NPEPPS: variants seen among roughly 807,000 people sequenced by gnomAD.
NPEPPS encodes aminopeptidase puromycin sensitive.
NPEPPS carries 14 observed loss-of-function variants against 115.5 expected under a neutral mutation model. That is an observed-to-expected ratio of 0.12 (90% CI 0.08 to 0.19). NPEPPS has a LOEUF of 0.19. Among genes scored for constraint, NPEPPS ranks in the 10% least tolerant of loss-of-function variants. The pLI, the probability that NPEPPS is intolerant of heterozygous loss-of-function variation, is 1.00. For missense variants in NPEPPS, 523 were observed against 1,110.8 expected (o/e 0.47, Z 7.52); for synonymous variants, 285 against 390.6 (o/e 0.73, Z 3.19).
chr17:47,619,292 G>GC (rs1914392910), intron 21 of NPEPPS, 128 bp downstream of exon 21: 1 of 933,994 alleles, frequency 1.1e-6, no homozygotes. Flanking sequence ...AGTGGCTCAC[G>GC]CCTGTAATAC....
intron 1 of NPEPPS, among the ~76,000 whole-genome samples, chr17:47,535,411 C>A (rs1172420214): frequency 1.3e-5 from 2 of 150,766 alleles, no homozygotes; most frequent in African/African-American, 4.9e-5. Flanking sequence ...ATTAGCCGGG[C>A]GTGGTGGCGG....
At chr17:47,574,900 G>A (rs1309304197) in intron 3 of NPEPPS, among the ~76,000 whole-genome samples, 2 of 152,092 alleles carry the variant, frequency 1.3e-5, no homozygotes. Flanking sequence ...GAGCCACTAC[G>A]CCAGCCAGAT....
chr17:47,619,177 C>A lies in NPEPPS; in HGVS notation c.2559+13C>A. On this transcript the variant is annotated intron_variant, in intron 21 of 22. Transcript: ENST00000322157. Reference sequence around the variant, plus strand: ...CAGACTAATAAAGGTATGTGAAAAACTTTGAGTAGCTTGCTAATCATGGAT... The same window carrying A: ...CAGACTAATAAAGGTATGTGAAAAAATTTGAGTAGCTTGCTAATCATGGAT... 6.2e-7 allele frequency: 1 copy of A among 1,602,818 alleles called. No homozygotes were observed. The highest frequency in any genetic ancestry group is 1.3e-5 in the African/African-American group (1 of 74,868).
rs577115362 is a variant in NPEPPS, at chr17:47,543,416, C to T, written c.256-2493C>T. ...CACTGCAACCTCCACTGCCTGGGTT[C>T]AAGTGATTCTCCTGCTTCAGCCTTC... On this transcript the variant is annotated intron_variant, in intron 1 of 22. Coordinates refer to ENST00000322157, the MANE Select transcript of NPEPPS (RefSeq NM_006310.4). 7.3e-5 allele frequency among the ~76,000 whole-genome samples: 11 copies of T among 150,706 alleles called. No individual in the cohort carries two copies. The South Asian group carries it at 2.3e-3, about 32-fold the overall frequency.
At chr17:47,619,916 G>T in intron 22 of NPEPPS, 132 bp downstream of exon 22, 1 of 739,590 alleles carries the variant, frequency 1.4e-6, no homozygotes, top group Non-Finnish European at 2.4e-6. Flanking sequence ...CATCATGCAG[G>T]GCTGTATAGG....
Position 47,622,229 on chromosome 17 carries a change from C to G in NPEPPS, c.*309C>G. On this transcript the variant is annotated 3_prime_UTR_variant, in exon 23 of 23. Coordinates refer to ENST00000322157, the MANE Select transcript of NPEPPS (RefSeq NM_006310.4). ...GTGGTTAAAAGTATTTAACACTCTA[C>G]TGTTAATGACAGATGTTCTGTTTTT... 1 of 352,914 alleles carries G rather than the reference C, an allele frequency of 2.8e-6. No individual in the cohort carries two copies. The highest frequency in any genetic ancestry group is 4.2e-6 in the Non-Finnish European group (1 of 240,582). 21.9% of individuals were successfully genotyped at this position (352,914 alleles called of 1,614,324 possible). A position where few individuals can be genotyped will look rare whatever the true frequency, so the allele number is the denominator to read the frequency against.
At chr17:47,555,867 T>C (rs182215964) in intron 2 of NPEPPS, among the ~76,000 whole-genome samples, 106 of 152,084 alleles carry the variant, frequency 7.0e-4, no homozygotes, top group Non-Finnish European at 9.3e-4. Context: ...CTGTAATCCA[T>C]GTTTGGATCT....
chr17:47,583,643 A>G (rs1213315781), intron 5 of NPEPPS, among the ~76,000 whole-genome samples: 1 of 151,940 alleles, frequency 6.6e-6, no homozygotes, highest in East Asian at 1.9e-4. Flanking sequence ...AGCCAGGTAC[A>G]GTGACTCTTG....
intron 1 of NPEPPS, among the ~76,000 whole-genome samples, chr17:47,533,196 G>A (rs1907951815): frequency 6.6e-6 from 1 of 152,202 alleles, no homozygotes; most frequent in African/African-American, 2.4e-5. Flanking sequence ...CACATTTGGA[G>A]CACTGGTGTG....
intron 12 of NPEPPS, chr17:47,592,799 G>T: frequency 2.8e-6 from 1 of 351,860 alleles, no homozygotes; most frequent in Non-Finnish European, 5.5e-6. Flanking sequence ...TGTGCACAAT[G>T]TGCAGGTTTG....
rs369577595 is a variant in NPEPPS, at chr17:47,605,467, C to G, written c.2010C>G (p.Asp670Glu). 1.9e-6 allele frequency: 3 copies of G among 1,608,142 alleles called. No homozygotes were observed. The highest frequency in any genetic ancestry group is 2.5e-6 in the Non-Finnish European group (3 of 1,177,074). ...GILSTLLSHT[D>E]FYEEIQEFVK... Reference sequence around the variant, plus strand: ...TCTCAACTCTCTTGTCCCACACAGACTTCTATGAGGAAATCCAGGAGTTTG... The same window carrying G: ...TCTCAACTCTCTTGTCCCACACAGAGTTCTATGAGGAAATCCAGGAGTTTG... Residue 670 changes from aspartate (D) to glutamate (E), a missense_variant, in exon 17 of 23, where the codon GAC (aspartate) becomes GAG (glutamate). By Grantham distance (45) the Asp-to-Glu change is conservative. Around this residue, in one of 4 missense-constraint regions of NPEPPS, gnomAD observed 372 missense variants for 542.6 expected, o/e 0.69. Transcript: ENST00000322157.
At chr17:47,595,519 A>G (rs1338775440) in intron 12 of NPEPPS, among the ~76,000 whole-genome samples, 1 of 152,212 alleles carries the variant, frequency 6.6e-6, no homozygotes, top group Non-Finnish European at 1.5e-5. Flanking sequence ...TTTCTTATAA[A>G]TTAGAATGAT....
chr17:47,565,819 C>CAA (rs144501965), intron 2 of NPEPPS, among the ~76,000 whole-genome samples: 1 of 112,890 alleles, frequency 8.9e-6, no homozygotes, highest in Non-Finnish European at 1.9e-5. Flanking sequence ...GACCCTGTCT[C>CAA]AAAAAAAAAA....
At chr17:47,604,311 G>C (rs1722541826) in intron 16 of NPEPPS, among the ~76,000 whole-genome samples, 1 of 152,060 alleles carries the variant, frequency 6.6e-6, no homozygotes, top group Admixed American at 6.6e-5. Context: ...TTTCTTTTCA[G>C]TAGAAATAAA....
chr17:47,533,288 G>C (rs1335771536), intron 1 of NPEPPS, among the ~76,000 whole-genome samples: 3 of 151,952 alleles, frequency 2.0e-5, no homozygotes, highest in Admixed American at 1.3e-4. Context: ...TTTCCATTAA[G>C]AATATGAATC....
rs1597877680 is a variant in NPEPPS, at chr17:47,599,661, G to A, written c.1537-15G>A. ...TGGTGTCAGTACTATTATAGCCTTT[G>A]TTTTGCTTCTTTAGGTAGAAGATGA... is the stretch of plus-strand genomic sequence containing the variant. On this transcript the variant is annotated splice_polypyrimidine_tract_variant and intron_variant, in intron 13 of 22. Coordinates refer to ENST00000322157, the MANE Select transcript of NPEPPS (RefSeq NM_006310.4). The A allele has an allele frequency of 1.3e-6, 2 of 1,554,858 alleles. No homozygotes were observed. Among genetic ancestry groups the A allele is most frequent in the East Asian group, 2.4e-5 (1 of 41,746 alleles).
intron 4 of NPEPPS, chr17:47,581,646 T>C (rs1198756662): frequency 6.6e-6 from 1 of 152,180 alleles, no homozygotes; most frequent in Non-Finnish European, 1.5e-5. Flanking sequence ...TTTAATGTTT[T>C]TGAGAATATA....
chr17:47,612,033 T>C (rs1469633869), intron 17 of NPEPPS, among the ~76,000 whole-genome samples: 2 of 152,244 alleles, frequency 1.3e-5, no homozygotes, highest in Non-Finnish European at 2.9e-5. Flanking sequence ...CTTGGAGGAA[T>C]GGACCCATCA....
In NPEPPS at chr17:47,612,431, T is replaced by A. The variant is rs188440364; in HGVS notation, c.2096-29T>A. 3.7e-6 allele frequency: 6 copies of A among 1,611,176 alleles called. No homozygotes were observed. The Admixed American group carries it at 1.0e-4, about 27-fold the overall frequency. The stretch of plus-strand genomic sequence containing the variant: ...TTATAAAAATAGGCTTTTTAAGTAG[T>A]CTTATGTCTCTTTTACTTCTCAAAT... On this transcript the variant is annotated intron_variant, in intron 17 of 22. Transcript: ENST00000322157.
Sources: gnomAD v4.1 joint callset for allele counts (sites outside exome capture counted in the v4.1 genomes callset) on GRCh38, gnomAD v4.1.1 for gene constraint, gnomAD v4.1.1 regional missense constraint, MANE v1.5 for transcripts, NCBI Gene and HGNC (gene_info 2026-07-23, HGNC 2026-07-21) for gene names.